Variants in RASGEF1C observed in about 807,000 individuals in gnomAD.
RASGEF1C encodes ras-GEF domain-containing family member 1C.
RASGEF1C carries 27 observed loss-of-function variants against 58.1 expected under a neutral mutation model. That is an observed-to-expected ratio of 0.46 (90% CI 0.34 to 0.64). RASGEF1C has a LOEUF of 0.64. Among genes scored for constraint, RASGEF1C ranks in the 30% least tolerant of loss-of-function variants. RASGEF1C has a pLI of 0.01. For missense variants in RASGEF1C, 502 were observed against 605.1 expected (o/e 0.83, Z 1.79); for synonymous variants, 243 against 246.3 (o/e 0.99, Z 0.13).
At chr5:180,122,337 T>G (rs1766190320) in intron 6 of RASGEF1C, among the ~76,000 whole-genome samples, 1 of 152,230 alleles carries the variant, frequency 6.6e-6, no homozygotes, top group Admixed American at 6.5e-5. Flanking sequence ...CCTTTCCCTG[T>G]GCCATAACAT....
intron 1 of RASGEF1C, among the ~76,000 whole-genome samples, chr5:180,175,098 C>G (rs1028637589): frequency 6.6e-6 from 1 of 152,134 alleles, no homozygotes; most frequent in Non-Finnish European, 1.5e-5. Context: ...ACACCAGGGA[C>G]CCAGCCGCCA....
intron 1 of RASGEF1C, among the ~76,000 whole-genome samples, chr5:180,145,063 G>C (rs564627907): frequency 6.6e-6 from 1 of 152,266 alleles, no homozygotes; most frequent in African/African-American, 2.4e-5. Flanking sequence ...TGGGCAGTGG[G>C]GGTTGTTTCC....
chr5:180,122,202 C>T (rs141432608), intron 6 of RASGEF1C, among the ~76,000 whole-genome samples: 137 of 152,276 alleles, frequency 9.0e-4, no homozygotes, highest in African/African-American at 3.2e-3. Context: ...CTTGCATTTC[C>T]CCCCGGGAGC....
At chr5:180,145,882 A>G (rs1766654785) in intron 1 of RASGEF1C, among the ~76,000 whole-genome samples, 1 of 152,078 alleles carries the variant, frequency 6.6e-6, no homozygotes, top group African/African-American at 2.4e-5. Context: ...CCCATTTTTG[A>G]ATTGAGTTGT....
At chr5:180,172,478 G>T (rs755932468) in intron 1 of RASGEF1C, among the ~76,000 whole-genome samples, 5 of 152,156 alleles carry the variant, frequency 3.3e-5, no homozygotes, top group Admixed American at 6.5e-5. Flanking sequence ...GAGGGACAGG[G>T]GGCACAGCAG....
At chr5:180,118,929 C>T in intron 8 of RASGEF1C, 63 bp from the exon 9 acceptor site, 1 of 1,494,644 alleles carries the variant, frequency 6.7e-7, no homozygotes, top group Non-Finnish European at 9.3e-7. Flanking sequence ...TGCGTAGCTG[C>T]ACCCCCTTGG....
chr5:180,101,969 C>G, intron 13 of RASGEF1C, 102 bp downstream of exon 13: 2 of 836,466 alleles, frequency 2.4e-6, no homozygotes, highest in South Asian at 3.0e-5. Flanking sequence ...CGGCCCTGTC[C>G]TGGTCCCAAG....
At chr5:180,162,373 GC>G (rs1766957131) in intron 1 of RASGEF1C, among the ~76,000 whole-genome samples, 2 of 152,236 alleles carry the variant, frequency 1.3e-5, no homozygotes. Context: ...GAGGACATTT[GC>G]ACCCAGTGCA....
At chr5:180,163,247 TTTTTTCC>T (rs1413251232) in intron 1 of RASGEF1C, among the ~76,000 whole-genome samples, 2 of 80,564 alleles carry the variant, frequency 2.5e-5, no homozygotes, top group South Asian at 5.1e-4. Context: ...TTTTTTTTTT[TTTTTTCC>T]AGCCTATTGC....
At position 180,101,551 on chromosome 5, in the gene RASGEF1C, G is replaced by A. The variant is rs192122684; in HGVS notation, c.1377-26C>T. 286 of 1,610,828 alleles carry A rather than the reference G, an allele frequency of 1.8e-4. 1 individual carries two copies. In the African/African-American group the frequency reaches 2.4e-3, roughly 13 times the overall value. On this transcript the variant is annotated intron_variant, in intron 13 of 13. Coordinates refer to ENST00000361132, the MANE Select transcript of RASGEF1C (RefSeq NM_175062.4). ...CTGCAGATTTAAGCATGTCGGGAGC[G>A]GTGAGAGCCTGGAGCTCCCCACCCC...
chr5:180,142,025 G>A (rs1581105253), intron 1 of RASGEF1C, among the ~76,000 whole-genome samples: 1 of 152,282 alleles, frequency 6.6e-6, no homozygotes, highest in South Asian at 2.1e-4. Flanking sequence ...TGAAATCACT[G>A]TTAAGTCTCC....
chr5:180,154,259 G>A (rs1766817165), intron 1 of RASGEF1C, among the ~76,000 whole-genome samples: 2 of 152,046 alleles, frequency 1.3e-5, no homozygotes, highest in South Asian at 4.2e-4. Context: ...TACCTCTGCT[G>A]GCTTCTTCAG....
intron 6 of RASGEF1C, 21 bp from the exon 7 acceptor site, chr5:180,121,170 G>A (rs1269023402): frequency 9.7e-6 from 15 of 1,548,962 alleles, no homozygotes; most frequent in African/African-American, 4.1e-5. Flanking sequence ...CACAGCACAC[G>A]GGACCACGTT....
chr5:180,176,884 T>C (rs1427671881), intron 1 of RASGEF1C, among the ~76,000 whole-genome samples: 2 of 152,152 alleles, frequency 1.3e-5, no homozygotes, highest in Non-Finnish European at 2.9e-5. Context: ...TCCAGAAAGA[T>C]TCAGCCACAG....
chr5:180,190,311 C>A (rs556033530), intron 1 of RASGEF1C, among the ~76,000 whole-genome samples: 1 of 151,746 alleles, frequency 6.6e-6, no homozygotes, highest in Non-Finnish European at 1.5e-5. Context: ...CACGGTGAAA[C>A]CCCGTCTCTA....
At chr5:180,136,740 G>T (rs1021625627) in intron 3 of RASGEF1C, 3 of 563,454 alleles carry the variant, frequency 5.3e-6, no homozygotes, top group Non-Finnish European at 9.4e-6. Flanking sequence ...CCTTTCTGCG[G>T]TTGACGGCTC....
At chr5:180,111,067 G>C (rs1012093572) in intron 12 of RASGEF1C, among the ~76,000 whole-genome samples, 2 of 152,162 alleles carry the variant, frequency 1.3e-5, no homozygotes, top group African/African-American at 4.8e-5. Flanking sequence ...GCCTGCCTCT[G>C]CCTCCCAAAG....
intron 10 of RASGEF1C, chr5:180,115,139 C>G (rs936152285): frequency 1.1e-4 from 34 of 296,604 alleles, no homozygotes; most frequent in Non-Finnish European, 1.3e-4. Context: ...TTCAGCCTCC[C>G]GAGTAGCTGG....
At chr5:180,160,451 G>A (rs1766922832) in intron 1 of RASGEF1C, among the ~76,000 whole-genome samples, 1 of 152,144 alleles carries the variant, frequency 6.6e-6, no homozygotes, top group Non-Finnish European at 1.5e-5. Flanking sequence ...CCCTCTGTTG[G>A]TGACATACAC....
Sources: allele counts gnomAD v4.1 joint callset (sites outside exome capture counted in the v4.1 genomes callset), GRCh38; gene constraint gnomAD v4.1.1; transcripts MANE v1.5; gene names NCBI Gene and HGNC (gene_info 2026-07-23, HGNC 2026-07-21).